Variants in SLC35E2B observed in about 807,000 individuals in gnomAD.
SLC35E2B encodes the protein solute carrier family 35, member E2B.
SLC35E2B carries 18 observed loss-of-function variants against 32.4 expected under a neutral mutation model. That is an observed-to-expected ratio of 0.56 (90% confidence interval 0.38 to 0.82). SLC35E2B has a LOEUF of 0.82. SLC35E2B is among the 40% of genes least tolerant of loss of function. The probability of loss-of-function intolerance (pLI) is 0.00; values close to 1 mark genes in which losing one functional copy is unlikely to be tolerated. For synonymous variants in SLC35E2B, 132 were observed against 209.1 expected, an observed-to-expected ratio of 0.63 and a Z score of 3.18; for missense variants, 263 against 469.5, an observed-to-expected ratio of 0.56 and a Z score of 4.06.
chr1:1,663,753 G>A lies in SLC35E2B; in HGVS notation c.*2029C>T. Reference sequence around the variant, plus strand: ...CAAAGTGCTGCGATTAGAGGCGTGAGCCACCGCACCCAGTCTTCTATTAGT... The same window carrying A: ...CAAAGTGCTGCGATTAGAGGCGTGAACCACCGCACCCAGTCTTCTATTAGT... On this transcript the variant is annotated 3_prime_UTR_variant, in exon 10 of 10. Transcript: ENST00000617444. The A allele has an allele frequency of 1.4e-6, 1 of 731,098 alleles. No homozygotes were observed. The highest frequency in any genetic ancestry group is 1.7e-6 in the Non-Finnish European group (1 of 593,658). 45.3% of individuals were successfully genotyped at this position (731,098 alleles called of 1,614,324 possible). A position where few individuals can be genotyped will look rare whatever the true frequency, so the allele number is the denominator to read the frequency against.
chr1:1,669,156 A>G (rs920087610), intron 8 of SLC35E2B, among the ~76,000 whole-genome samples: 2 of 152,108 alleles, frequency 1.3e-5, no homozygotes, highest in African/African-American at 4.8e-5. Context: ...TAAAATCCAG[A>G]AAACCGCAAT....
At chr1:1,669,549 G>A (rs770497537) in intron 8 of SLC35E2B, 115 bp downstream of exon 8, 15 of 1,083,832 alleles carry the variant, frequency 1.4e-5, no homozygotes, top group Admixed American at 2.8e-5. Flanking sequence ...GACCCGCAGC[G>A]GAGCTGGGCC....
chr1:1,685,159 T>C (rs1019966509), intron 2 of SLC35E2B, among the ~76,000 whole-genome samples: 2 of 150,498 alleles, frequency 1.3e-5, no homozygotes, highest in African/African-American at 2.4e-5. Flanking sequence ...TGTTGGTTCA[T>C]GCTTGTAATC....
chr1:1,686,577 A>G (rs745712056), intron 2 of SLC35E2B, among the ~76,000 whole-genome samples: 35 of 151,222 alleles, frequency 2.3e-4, no homozygotes, highest in Non-Finnish European at 4.0e-4. Context: ...TGAGGTCAGG[A>G]GTTCATGGTG....
chr1:1,677,957 C>T lies in SLC35E2B; in HGVS notation c.-147-1111G>A, dbSNP rs538610516. On this transcript the variant is annotated intron_variant, in intron 2 of 9. Coordinates refer to ENST00000617444, the MANE Select transcript of SLC35E2B (RefSeq NM_001290264.2). ...AGACGCCACTGTGACTCCGCAGCAC[C>T]GAGACCCCACCTCCCCCAGGTCTCA... 1.8e-4 allele frequency among the ~76,000 whole-genome samples: 28 copies of T among 151,738 alleles called. No homozygotes were observed. In the East Asian group the frequency reaches 3.5e-3, roughly 19 times the overall value.
rs1387768499 is a variant in SLC35E2B at position 1,667,227 on chromosome 1, A to G, written c.980+1100T>C. 7.3e-5 allele frequency among the ~76,000 whole-genome samples: 11 copies of G among 149,926 alleles called. 1 individual carries two copies. Among genetic ancestry groups the G allele is most frequent in the African/African-American group, 2.7e-4 (11 of 40,550 alleles). The stretch of plus-strand genomic sequence containing the variant: ...CGAGACCATCCTGGCTAACACGGTG[A>G]AACCCTGTCTCTACTAAAAAATACA... On this transcript the variant is annotated intron_variant, in intron 9 of 9. Coordinates refer to ENST00000617444, the MANE Select transcript of SLC35E2B (RefSeq NM_001290264.2).
chr1:1,668,079 C>T (rs1242430096), intron 9 of SLC35E2B, among the ~76,000 whole-genome samples: 2 of 152,082 alleles, frequency 1.3e-5, no homozygotes, highest in Admixed American at 6.6e-5. Context: ...TCTTGAACTA[C>T]TGACCTCAAG....
intron 2 of SLC35E2B, among the ~76,000 whole-genome samples, chr1:1,678,256 C>T (rs972340233): frequency 1.3e-5 from 2 of 152,104 alleles, no homozygotes; most frequent in Non-Finnish European, 2.9e-5. Flanking sequence ...ATTCTGTGTT[C>T]ACACTGAGGG....
intron 9 of SLC35E2B, among the ~76,000 whole-genome samples, chr1:1,667,337 C>T (rs768432466): frequency 1.3e-5 from 2 of 151,976 alleles, no homozygotes; most frequent in African/African-American, 4.8e-5. Flanking sequence ...GGCGTGAACC[C>T]GGGAGGCGGA....
At chr1:1,677,678 G>A (rs1643865554) in intron 2 of SLC35E2B, among the ~76,000 whole-genome samples, 1 of 151,290 alleles carries the variant, frequency 6.6e-6, no homozygotes, top group Admixed American at 6.6e-5. Context: ...AGTAGAGACG[G>A]GTTTTCACCG....
At chr1:1,680,206 T>C (rs1396616068) in intron 2 of SLC35E2B, among the ~76,000 whole-genome samples, 1 of 149,632 alleles carries the variant, frequency 6.7e-6, no homozygotes, top group African/African-American at 2.5e-5. Flanking sequence ...GAGGCTGGGG[T>C]GGGAGGATTG....
At position 1,689,094 on chromosome 1, in the gene SLC35E2B, C is replaced by A. The variant is rs1391593080; in HGVS notation, c.-148+1882G>T. Among the ~76,000 whole-genome samples the A allele has an allele frequency of 2.0e-5, 3 of 151,696 alleles. No homozygotes were observed. In the East Asian group the frequency reaches 5.8e-4, roughly 29 times the overall value. On this transcript the variant is annotated intron_variant, in intron 2 of 9. Coordinates refer to ENST00000617444, the MANE Select transcript of SLC35E2B (RefSeq NM_001290264.2). ...GGCTGAGGCACGAGGATCACTTGAA[C>A]CTGGGAGACGGAGGCTTTAGTGAGC...
chr1:1,687,183 C>T (rs1378653269), intron 2 of SLC35E2B, among the ~76,000 whole-genome samples: 3 of 152,202 alleles, frequency 2.0e-5, no homozygotes, highest in South Asian at 2.1e-4. Context: ...ACGGGCGACA[C>T]GCACGCACAC....
chr1:1,692,393 A>G, intron 1 of SLC35E2B, 56 bp downstream of exon 1: 1 of 997,494 alleles, frequency 1.0e-6, no homozygotes. Flanking sequence ...CCGAGCACCG[A>G]GCACGCAGCA....
At chr1:1,670,019 G>C in intron 7 of SLC35E2B, 79 bp downstream of exon 7, 1 of 1,264,766 alleles carries the variant, frequency 7.9e-7, no homozygotes, top group East Asian at 2.5e-5. Context: ...CAGGCCTGTG[G>C]GGTGTTCTGA....
intron 2 of SLC35E2B, among the ~76,000 whole-genome samples, chr1:1,690,070 T>C (rs1412310565): frequency 6.7e-6 from 1 of 148,790 alleles, no homozygotes; most frequent in South Asian, 2.1e-4. Flanking sequence ...TCACCTGAGG[T>C]TGGGAGTTCC....
In SLC35E2B at chr1:1,677,570, C is replaced by T. The variant is rs144471449; in HGVS notation, c.-147-724G>A. ...TGGGCTCACTGCAAGCTCCGCCTCC[C>T]GGGTTCTCGCCATTCTCCTGCCTCA... On this transcript the variant is annotated intron_variant, in intron 2 of 9. Transcript: ENST00000617444. Among the ~76,000 whole-genome samples, 1,075 of 151,620 alleles carry T rather than the reference C, an allele frequency of 7.1e-3. 14 individuals carry two copies. Among genetic ancestry groups the T allele is most frequent in the African/African-American group, 0.025 (1,011 of 41,248 alleles).
chr1:1,675,414 G>T (rs770079348), intron 5 of SLC35E2B, 49 bp downstream of exon 5: 1 of 1,599,178 alleles, frequency 6.3e-7, no homozygotes, highest in Non-Finnish European at 8.5e-7. Flanking sequence ...ACGGATGGAG[G>T]CCTGGGATGG....
intron 2 of SLC35E2B, among the ~76,000 whole-genome samples, chr1:1,686,193 G>A (rs544231452): frequency 2.0e-5 from 3 of 152,088 alleles, no homozygotes; most frequent in African/African-American, 7.2e-5. Context: ...TAGTAGAGAC[G>A]GGTTTTCACC....
Sources: allele counts gnomAD v4.1 joint callset (sites outside exome capture counted in the v4.1 genomes callset), GRCh38; gene constraint gnomAD v4.1.1; transcripts MANE v1.5; gene names NCBI Gene and HGNC (gene_info 2026-07-23, HGNC 2026-07-21).